PACC1: variants seen among roughly 807,000 people sequenced by gnomAD.
PACC1 encodes the protein proton activated chloride channel 1.
A neutral mutation model predicts 39.7 loss-of-function variants in PACC1; 34 were observed. That is an observed-to-expected ratio of 0.86 (90% CI 0.65 to 1.14). The LOEUF (loss-of-function observed/expected upper bound fraction) is 1.14. Among genes scored for constraint, PACC1 ranks in the 50% most tolerant of loss-of-function variants. PACC1 has a pLI of 0.00. For missense variants in PACC1, 379 were observed against 436.4 expected (o/e 0.87, Z 1.17); for synonymous variants, 127 against 160.6 (o/e 0.79, Z 1.58).
Position 212,377,668 on chromosome 1 carries a change from G to C in PACC1, c.677C>G (p.Ala226Gly), listed in dbSNP as rs1660716727. The C allele has an allele frequency of 1.2e-6, 2 of 1,614,044 alleles. No homozygotes were observed. Among genetic ancestry groups the C allele is most frequent in the African/African-American group, 1.3e-5 (1 of 74,938 alleles). ...RVGFMQACESAYSSWKFSGGF... is the reference protein window; with the variant it reads ...RVGFMQACESGYSSWKFSGGF... Reference sequence around the variant, plus strand: ...CCCAGAGAACTTCCAGCTGGAATAGGCACTCTCACAGGCCTGCATGAAGCC... The same window carrying C: ...CCCAGAGAACTTCCAGCTGGAATAGCCACTCTCACAGGCCTGCATGAAGCC... Residue 226 changes from alanine (A) to glycine (G), a missense_variant, in exon 6 of 8, where the codon GCC becomes GGC. By Grantham distance (60) the Ala-to-Gly change is moderately conservative. Transcript: ENST00000261455.
chr1:212,379,179 G>A (rs371037875), intron 5 of PACC1, among the ~76,000 whole-genome samples: 4 of 152,120 alleles, frequency 2.6e-5, no homozygotes, highest in South Asian at 2.1e-4. Context: ...TCCTGACCTC[G>A]TGATCCGCCC....
intron 7 of PACC1, among the ~76,000 whole-genome samples, chr1:212,370,005 TA>T (rs1391727923): frequency 6.6e-6 from 1 of 152,052 alleles, no homozygotes; most frequent in Non-Finnish European, 1.5e-5. Flanking sequence ...ACCACATATA[TA>T]AAGCAAATAT....
chr1:212,396,853 A>T (rs1173335082), intron 2 of PACC1, among the ~76,000 whole-genome samples: 2 of 143,926 alleles, frequency 1.4e-5, no homozygotes, highest in Non-Finnish European at 3.2e-5. Context: ...TCTATCTATT[A>T]CATATAGAGC....
At chr1:212,382,858 C>G (rs1302435960) in intron 4 of PACC1, among the ~76,000 whole-genome samples, 2 of 152,192 alleles carry the variant, frequency 1.3e-5, no homozygotes, top group Non-Finnish European at 2.9e-5. Flanking sequence ...GGGGACGAGG[C>G]CAGAGCACAC....
chr1:212,377,285 T>G (rs1660698345), intron 6 of PACC1, among the ~76,000 whole-genome samples: 1 of 152,226 alleles, frequency 6.6e-6, no homozygotes, highest in Non-Finnish European at 1.5e-5. Flanking sequence ...CAGACACAGC[T>G]GGGCGAGTTA....
chr1:212,398,823 T>C (rs985802396), intron 2 of PACC1, among the ~76,000 whole-genome samples: 5 of 152,222 alleles, frequency 3.3e-5, no homozygotes, highest in African/African-American at 1.2e-4. Flanking sequence ...AGTCTTGCAC[T>C]CAAATTCTCC....
chr1:212,388,233 C>A (rs1464953726), intron 2 of PACC1, among the ~76,000 whole-genome samples: 1 of 152,072 alleles, frequency 6.6e-6, no homozygotes, highest in Non-Finnish European at 1.5e-5. Context: ...GCTGTGAGTT[C>A]CATGAGGGCA....
intron 7 of PACC1, among the ~76,000 whole-genome samples, chr1:212,368,208 A>T (rs1558161788): frequency 6.6e-6 from 1 of 152,180 alleles, no homozygotes; most frequent in Non-Finnish European, 1.5e-5. Flanking sequence ...GACTGACTAC[A>T]CGCTTAGGGA....
intron 2 of PACC1, among the ~76,000 whole-genome samples, chr1:212,391,244 C>A (rs184787296): frequency 6.6e-6 from 1 of 152,290 alleles, no homozygotes; most frequent in African/African-American, 2.4e-5. Context: ...GAGACAAAAC[C>A]TCCAGAGGAA....
intron 2 of PACC1, among the ~76,000 whole-genome samples, chr1:212,402,512 TTGTC>T (rs1661753095): frequency 6.6e-6 from 1 of 152,230 alleles, no homozygotes; most frequent in Non-Finnish European, 1.5e-5. Flanking sequence ...ACTGAGTTAT[TTGTC>T]TTTATTGTTG....
chr1:212,368,610 T>TCAAA (rs59919915), intron 7 of PACC1, among the ~76,000 whole-genome samples: 125,839 of 151,232 alleles, frequency 0.83, 52,747 homozygotes, highest in African/African-American at 0.94. Context: ...TCAGAGTGCC[T>TCAAA]CACAGAATTG....
At position 212,412,742 on chromosome 1, in the gene PACC1, G is replaced by A. The variant is rs561331577; in HGVS notation, c.36+1980C>T. Among the ~76,000 whole-genome samples, 370 of 152,286 alleles carry A rather than the reference G, an allele frequency of 2.4e-3. 2 individuals carry two copies. Among genetic ancestry groups the A allele is most frequent in the African/African-American group, 8.6e-3 (356 of 41,550 alleles). On this transcript the variant is annotated intron_variant, in intron 1 of 7. Transcript: ENST00000261455. ...AGCCCTGCTAGGCTGGCTATGTGTG[G>A]ATGGTGAGGCACATGTTCCTGCTAA...
intron 4 of PACC1, among the ~76,000 whole-genome samples, chr1:212,382,822 C>T (rs1660954697): frequency 6.6e-6 from 1 of 152,194 alleles, no homozygotes; most frequent in Admixed American, 6.5e-5. Context: ...GGCCACAGAG[C>T]ATTACCACCA....
chr1:212,410,304 T>C (rs1381361119), intron 2 of PACC1, 121 bp downstream of exon 2: 1 of 845,286 alleles, frequency 1.2e-6, no homozygotes, highest in Non-Finnish European at 2.0e-6. Flanking sequence ...ACTAGGGCAA[T>C]ACTTGAGACC....
chr1:212,378,731 T>C (rs922218950), intron 5 of PACC1, among the ~76,000 whole-genome samples: 1 of 152,170 alleles, frequency 6.6e-6, no homozygotes, highest in Non-Finnish European at 1.5e-5. Context: ...GCAGAGCTTA[T>C]ATCCTCATAC....
chr1:212,383,248 CTT>C (rs1178982362), intron 4 of PACC1, among the ~76,000 whole-genome samples: 1 of 152,188 alleles, frequency 6.6e-6, no homozygotes, highest in African/African-American at 2.4e-5. Flanking sequence ...TTTTTACACT[CTT>C]TAGTCGAATT....
rs147832739 is a variant in PACC1 at position 212,379,317 on chromosome 1, C to T, written c.638+578G>A. Reference sequence around the variant, plus strand: ...ATACAGTCTATGATATATATAACCACGCAATATGTGTTGTTTATGTTATTG... The same window carrying T: ...ATACAGTCTATGATATATATAACCATGCAATATGTGTTGTTTATGTTATTG... On this transcript the variant is annotated intron_variant, in intron 5 of 7. Transcript: ENST00000261455. 1.5e-3 allele frequency among the ~76,000 whole-genome samples: 229 copies of T among 152,200 alleles called. 4 individuals carry two copies. Among genetic ancestry groups the T allele is most frequent in the Non-Finnish European group, 5.6e-4 (38 of 68,022 alleles).
chr1:212,381,036 C>A (rs972409824), intron 4 of PACC1, among the ~76,000 whole-genome samples: 1 of 152,138 alleles, frequency 6.6e-6, no homozygotes, highest in African/African-American at 2.4e-5. Context: ...AAGTTTTGTG[C>A]CCCCACATGT....
At chr1:212,406,466 A>T (rs766863682) in intron 2 of PACC1, among the ~76,000 whole-genome samples, 1 of 152,204 alleles carries the variant, frequency 6.6e-6, no homozygotes, top group Non-Finnish European at 1.5e-5. Flanking sequence ...CAGTGAGCCA[A>T]GATCGTGCCA....
Sources: allele counts gnomAD v4.1 joint callset (sites outside exome capture counted in the v4.1 genomes callset), GRCh38; gene constraint gnomAD v4.1.1; transcripts MANE v1.5; gene names NCBI Gene and HGNC (gene_info 2026-07-23, HGNC 2026-07-21).